LSM12: variants seen among roughly 807,000 people sequenced by gnomAD.
LSM12 encodes protein LSM12.
For synonymous variants in LSM12, 74 were observed against 87.3 expected, an observed-to-expected ratio of 0.85 and a Z score of 0.85; for missense variants, 108 against 238.9, an observed-to-expected ratio of 0.45 and a Z score of 3.61.
chr17:44,064,700 T>C (rs1437623203), intron 1 of LSM12, among the ~76,000 whole-genome samples: 1 of 144,304 alleles, frequency 6.9e-6, no homozygotes, highest in Non-Finnish European at 1.5e-5. Flanking sequence ...GCCACTGCAC[T>C]CCAGCCTAGG....
intron 2 of LSM12, among the ~76,000 whole-genome samples, chr17:44,062,598 G>A (rs372794316): frequency 2.0e-5 from 3 of 152,118 alleles, no homozygotes; most frequent in East Asian, 1.9e-4. Context: ...TCAAAAAAGT[G>A]ACTTAGGGCC....
chr17:44,059,857 T>A (rs750429306), intron 2 of LSM12, among the ~76,000 whole-genome samples: 8 of 152,146 alleles, frequency 5.3e-5, no homozygotes, highest in Non-Finnish European at 1.0e-4. Flanking sequence ...CAATATGTGA[T>A]GATACCTTTG....
chr17:44,059,971 T>A (rs957495063), intron 2 of LSM12, among the ~76,000 whole-genome samples: 1 of 152,066 alleles, frequency 6.6e-6, no homozygotes, highest in Admixed American at 6.5e-5. Flanking sequence ...GAGACCATCC[T>A]GGCCAACATG....
At chr17:44,042,022 C>T (rs2049501396) in intron 2 of LSM12, among the ~76,000 whole-genome samples, 1 of 152,204 alleles carries the variant, frequency 6.6e-6, no homozygotes. Flanking sequence ...CCCAGTGGCT[C>T]ACGCCTATAA....
intron 2 of LSM12, among the ~76,000 whole-genome samples, chr17:44,042,240 T>C (rs1050724209): frequency 4.6e-5 from 7 of 151,808 alleles, no homozygotes; most frequent in African/African-American, 1.4e-4. Flanking sequence ...TGAGCCGAGA[T>C]TGTACCACTA....
chr17:44,060,073 G>A (rs1344669383), intron 2 of LSM12, among the ~76,000 whole-genome samples: 2 of 152,198 alleles, frequency 1.3e-5, no homozygotes, highest in Non-Finnish European at 2.9e-5. Context: ...GCTGAGGCAG[G>A]AGAATGGCAT....
chr17:44,066,652 G>A lies in LSM12; in HGVS notation c.-65C>T, dbSNP rs2049884367. 1.6e-6 allele frequency: 2 copies of A among 1,273,110 alleles called. No homozygotes were observed. Among genetic ancestry groups the A allele is most frequent in the Admixed American group, 4.3e-5 (1 of 23,192 alleles). 78.9% of individuals were successfully genotyped at this position (1,273,110 alleles called of 1,614,324 possible). A position where few individuals can be genotyped will look rare whatever the true frequency, so the allele number is the denominator to read the frequency against. ...AGCGGGCGAAAGCCGGGCCCCCAGT[G>A]AGCGCCGCGACGCGACGGCGCGCAC... On this transcript the variant is annotated 5_prime_UTR_variant, in exon 1 of 5. Coordinates refer to ENST00000293406, the MANE Select transcript of LSM12 (RefSeq NM_001371445.1).
chr17:44,038,027 G>A (rs2049437586), intron 3 of LSM12, among the ~76,000 whole-genome samples: 1 of 152,112 alleles, frequency 6.6e-6, no homozygotes, highest in Admixed American at 6.6e-5. Context: ...TCAACCATTG[G>A]CCTAGGGAGA....
chr17:44,037,340 G>A (rs1194050082), intron 4 of LSM12, 72 bp downstream of exon 4: 1 of 1,487,648 alleles, frequency 6.7e-7, no homozygotes, highest in East Asian at 2.4e-5. Context: ...CAATGTCCTG[G>A]TCTGGTGCTA....
rs71160079 is a variant in LSM12, at chr17:44,035,677, CAAAAAAAAAA to C, written c.*521_*530del. 1 of 58,070 alleles carries C rather than the reference CAAAAAAAAAA, an allele frequency of 1.7e-5. No homozygotes were observed. The highest frequency in any genetic ancestry group is 3.1e-5 in the Non-Finnish European group (1 of 32,286). The allele number at this position is 58,070 out of a possible 1,614,324, so 3.6% of individuals were successfully genotyped here. On this transcript the variant is annotated 3_prime_UTR_variant, in exon 5 of 5. Coordinates refer to ENST00000293406, the MANE Select transcript of LSM12 (RefSeq NM_001371445.1). ...AAACTAATTCAAGCCATGCCCTGTGCAAAAAAAAAAAAAAAAAGAAAAAAGAAAAAAAAAG... is the reference window on the plus strand; with the variant it reads ...AAACTAATTCAAGCCATGCCCTGTGCAAAAAAAGAAAAAAGAAAAAAAAAG...
At chr17:44,051,187 A>T (rs549822652) in intron 2 of LSM12, among the ~76,000 whole-genome samples, 2 of 152,062 alleles carry the variant, frequency 1.3e-5, no homozygotes, top group South Asian at 4.2e-4. Context: ...AGGGCAGATC[A>T]CAAGATCAGG....
At chr17:44,058,194 G>A (rs932885939) in intron 2 of LSM12, among the ~76,000 whole-genome samples, 4 of 150,932 alleles carry the variant, frequency 2.7e-5, no homozygotes, top group Non-Finnish European at 5.9e-5. Flanking sequence ...CCGAGATCGC[G>A]CCACTGCACT....
At position 44,041,326 on chromosome 17, in the gene LSM12, C is replaced by CAA. The variant is rs1405520209; in HGVS notation, c.259-1071_259-1070insTT. Among the ~76,000 whole-genome samples, 305 of 142,408 alleles carry CAA rather than the reference C, an allele frequency of 2.1e-3. 2 individuals carry two copies. Among genetic ancestry groups the CAA allele is most frequent in the African/African-American group, 7.6e-3 (272 of 35,812 alleles). The allele number at this position is 142,408 out of a possible 152,430, so 93.4% of individuals were successfully genotyped here. ...ACACACACACACACACACACACACACACACACAAACACACACACACACACA... is the reference window on the plus strand; with the variant it reads ...ACACACACACACACACACACACACACAAACACACAAACACACACACACACACA... On this transcript the variant is annotated intron_variant, in intron 2 of 4. Transcript: ENST00000293406.
At chr17:44,058,367 T>G (rs2049748725) in intron 2 of LSM12, among the ~76,000 whole-genome samples, 1 of 152,146 alleles carries the variant, frequency 6.6e-6, no homozygotes, top group Admixed American at 6.5e-5. Flanking sequence ...TAGACTACCC[T>G]GCCCCTGACC....
rs2144060540 is a variant in LSM12, at chr17:44,035,971, A to G, written c.*237T>C. The G allele has an allele frequency of 3.2e-6, 1 of 312,460 alleles. No individual in the cohort carries two copies. The highest frequency in any genetic ancestry group is 5.9e-6 in the Non-Finnish European group (1 of 169,832). The allele number at this position is 312,460 out of a possible 1,614,324, so 19.4% of individuals were successfully genotyped here. On this transcript the variant is annotated 3_prime_UTR_variant, in exon 5 of 5. Coordinates refer to ENST00000293406, the MANE Select transcript of LSM12 (RefSeq NM_001371445.1). The stretch of plus-strand genomic sequence containing the variant: ...TGACTGTTCCAGAAGAGGGCTGTGA[A>G]AAGGACATGGTGGACCGAAGTCTGT...
intron 3 of LSM12, among the ~76,000 whole-genome samples, chr17:44,039,365 CTTTTTTTTTTT>C (rs35411238): frequency 2.0e-4 from 10 of 51,056 alleles, no homozygotes; most frequent in East Asian, 5.5e-4. Context: ...AACAAAATGT[CTTTTTTTTTTT>C]TTTTTTTTTT....
rs182142366 is a variant in LSM12 at position 44,048,830 on chromosome 17, A to T, written c.259-8574T>A. Among the ~76,000 whole-genome samples, 300 of 152,312 alleles carry T rather than the reference A, an allele frequency of 2.0e-3. 1 individual carries two copies. Among genetic ancestry groups the T allele is most frequent in the Non-Finnish European group, 3.6e-3 (242 of 68,038 alleles). The stretch of plus-strand genomic sequence containing the variant: ...GTGTTTCCTCCTGTGCCCGTTTTAT[A>T]TATAGCACCTTGATGTGGGCAAAGG... On this transcript the variant is annotated intron_variant, in intron 2 of 4. Coordinates refer to ENST00000293406, the MANE Select transcript of LSM12 (RefSeq NM_001371445.1).
At chr17:44,036,326 C>T in intron 4 of LSM12, 26 bp from the exon 5 acceptor site, 1 of 1,613,834 alleles carries the variant, frequency 6.2e-7, no homozygotes, top group Non-Finnish European at 8.5e-7. Flanking sequence ...CAACCCAGGT[C>T]AACAAAGGAG....
intron 3 of LSM12, among the ~76,000 whole-genome samples, chr17:44,039,660 C>A (rs1310548492): frequency 6.6e-6 from 1 of 152,066 alleles, no homozygotes; most frequent in Non-Finnish European, 1.5e-5. Flanking sequence ...GGATTACAGG[C>A]GTGAGCCACC....
Sources: gnomAD v4.1 joint callset for allele counts (sites outside exome capture counted in the v4.1 genomes callset) on GRCh38, gnomAD v4.1.1 for gene constraint, MANE v1.5 for transcripts, NCBI Gene and HGNC (gene_info 2026-07-23, HGNC 2026-07-21) for gene names.